The following GRM7 variants were observed in gnomAD, a reference collection of about 807,000 sequenced individuals.
GRM7 encodes metabotropic glutamate receptor 7.
A neutral mutation model predicts 84.5 loss-of-function variants in GRM7; 35 were observed. The observed-to-expected ratio is 0.41, with a 90% CI of 0.32 to 0.55. GRM7 has a LOEUF of 0.55. GRM7 is among the 20% of genes least tolerant of loss of function. The pLI is 0.19. For missense variants in GRM7, 1,003 were observed against 1,194.6 expected (o/e 0.84, Z 2.36); for synonymous variants, 487 against 455.1 (o/e 1.07, Z -0.89).
At chr3:7,405,181 A>T (rs1695621871) in intron 4 of GRM7, among the ~76,000 whole-genome samples, 1 of 152,194 alleles carries the variant, frequency 6.6e-6, no homozygotes, top group South Asian at 2.1e-4. Flanking sequence ...TATATACAGT[A>T]AATTTTCAGG....
chr3:6,888,635 C>G (rs1443315291), intron 1 of GRM7, among the ~76,000 whole-genome samples: 2 of 152,006 alleles, frequency 1.3e-5, no homozygotes, highest in Non-Finnish European at 1.5e-5. Flanking sequence ...GTTACTGTAG[C>G]CTTGTAGTAT....
intron 7 of GRM7, among the ~76,000 whole-genome samples, chr3:7,566,291 G>A (rs1694264538): frequency 6.6e-6 from 1 of 152,026 alleles, no homozygotes; most frequent in Admixed American, 6.6e-5. Flanking sequence ...ATAGGCAACG[G>A]ACAGGTTTTG....
At chr3:6,924,082 G>A (rs1428992319) in intron 1 of GRM7, among the ~76,000 whole-genome samples, 3 of 152,174 alleles carry the variant, frequency 2.0e-5, no homozygotes, top group African/African-American at 7.2e-5. Flanking sequence ...CTGAATCTCA[G>A]TTCCTCTTCT....
chr3:7,410,582 A>AATAT (rs766928937), intron 4 of GRM7, among the ~76,000 whole-genome samples: 2 of 113,786 alleles, frequency 1.8e-5, no homozygotes, highest in African/African-American at 7.1e-5. Context: ...AAAAAAACAA[A>AATAT]ATATATATAT....
At chr3:7,558,238 C>T (rs918845236) in intron 7 of GRM7, among the ~76,000 whole-genome samples, 1 of 151,964 alleles carries the variant, frequency 6.6e-6, no homozygotes, top group African/African-American at 2.4e-5. Flanking sequence ...GGGAATAATT[C>T]TTACCTTATG....
chr3:7,256,163 T>G (rs770237335), intron 2 of GRM7, among the ~76,000 whole-genome samples: 2 of 152,172 alleles, frequency 1.3e-5, no homozygotes, highest in African/African-American at 2.4e-5. Context: ...TTTGCTTACT[T>G]GTCTCCTTAT....
intron 7 of GRM7, among the ~76,000 whole-genome samples, chr3:7,554,249 C>A (rs1005720990): frequency 6.6e-6 from 1 of 152,186 alleles, no homozygotes; most frequent in Admixed American, 6.5e-5. Context: ...GATTATTGAA[C>A]CTAAACCCTG....
At chr3:7,262,325 T>C (rs1307271938) in intron 2 of GRM7, among the ~76,000 whole-genome samples, 1 of 152,204 alleles carries the variant, frequency 6.6e-6, no homozygotes, top group African/African-American at 2.4e-5. Flanking sequence ...AATTCATGTT[T>C]GACTGTCTTA....
At chr3:7,651,608 G>A (rs1477911142) in intron 8 of GRM7, among the ~76,000 whole-genome samples, 1 of 152,192 alleles carries the variant, frequency 6.6e-6, no homozygotes, top group African/African-American at 2.4e-5. Flanking sequence ...TCCTGGCTCT[G>A]TGAGAAGAAT....
intron 2 of GRM7, among the ~76,000 whole-genome samples, chr3:7,160,607 C>T (rs1488112648): frequency 6.6e-6 from 1 of 152,146 alleles, no homozygotes; most frequent in Non-Finnish European, 1.5e-5. Context: ...ACTCCCTTGC[C>T]TTCACCTTGC....
At chr3:7,197,564 C>T (rs565308147) in intron 2 of GRM7, among the ~76,000 whole-genome samples, 1 of 152,210 alleles carries the variant, frequency 6.6e-6, no homozygotes, top group South Asian at 2.1e-4. Context: ...GTAGTCCATT[C>T]ATATAGACCT....
At chr3:7,670,107 A>G (rs1699857832) in intron 8 of GRM7, among the ~76,000 whole-genome samples, 1 of 152,194 alleles carries the variant, frequency 6.6e-6, no homozygotes, top group South Asian at 2.1e-4. Context: ...GATGTGCTTC[A>G]GTGTGCCAGG....
chr3:7,322,347 A>G (rs1344563657), intron 4 of GRM7, among the ~76,000 whole-genome samples: 1 of 152,100 alleles, frequency 6.6e-6, no homozygotes, highest in Admixed American at 6.6e-5. Context: ...ATTTCATTAT[A>G]AGAGCTATCT....
At chr3:7,249,117 A>G (rs1201981615) in intron 2 of GRM7, among the ~76,000 whole-genome samples, 2 of 152,144 alleles carry the variant, frequency 1.3e-5, no homozygotes, top group East Asian at 1.9e-4. Context: ...TGTTAAATAT[A>G]TATGTATATT....
chr3:7,518,988 TA>T (rs1284360227), intron 7 of GRM7, among the ~76,000 whole-genome samples: 18 of 152,210 alleles, frequency 1.2e-4, no homozygotes, highest in Non-Finnish European at 1.8e-4. Flanking sequence ...TCCATTGAAT[TA>T]AATCTTCACA....
At chr3:7,336,772 A>G (rs1339430033) in intron 4 of GRM7, among the ~76,000 whole-genome samples, 2 of 152,002 alleles carry the variant, frequency 1.3e-5, no homozygotes, top group Non-Finnish European at 2.9e-5. Flanking sequence ...GAATGAAATG[A>G]AGAGCTCAAC....
chr3:7,712,474 C>T (rs1208309231), intron 9 of GRM7, among the ~76,000 whole-genome samples: 1 of 151,978 alleles, frequency 6.6e-6, no homozygotes, highest in Non-Finnish European at 1.5e-5. Context: ...TTGGATCCTT[C>T]CCTCTCCTCC....
chr3:7,141,732 GA>G (rs1017204007), intron 1 of GRM7, among the ~76,000 whole-genome samples: 22 of 147,364 alleles, frequency 1.5e-4, no homozygotes, highest in Non-Finnish European at 2.4e-4. Context: ...CCCAAGACTT[GA>G]AAAAAAAAAT....
chr3:7,720,005 G>T lies in GRM7; in HGVS notation c.2699-20352G>T, dbSNP rs1238678421. Among the ~76,000 whole-genome samples, 3 of 152,160 alleles carry T rather than the reference G, an allele frequency of 2.0e-5. No individual in the cohort carries two copies. In the East Asian group the frequency reaches 5.8e-4, roughly 29 times the overall value. ...TGGTTGTAGTAGTGGTGGTGGTGAT[G>T]ATGGTCATAATAAGAGTATATTCTT... On this transcript the variant is annotated intron_variant, in intron 9 of 9. Transcript: ENST00000357716.
Sources: allele counts gnomAD v4.1 joint callset (sites outside exome capture counted in the v4.1 genomes callset), GRCh38; gene constraint gnomAD v4.1.1; transcripts MANE v1.5; gene names NCBI Gene and HGNC (gene_info 2026-07-23, HGNC 2026-07-21).